Variants in DNM3 observed in about 807,000 individuals in gnomAD.
DNM3 encodes dynamin 3, also known as dynamin-3.
Under a neutral mutation model 101.6 loss-of-function variants are expected in DNM3, and 47 were observed. The observed-to-expected ratio is 0.46, with a 90% CI of 0.37 to 0.59. The LOEUF is 0.59. DNM3 is among the 20% of genes least tolerant of loss of function. The pLI is 0.00. For missense variants in DNM3, 849 were observed against 1,085.7 expected, an observed-to-expected ratio of 0.78 and a Z score of 3.06; for synonymous variants, 385 against 387.9, an observed-to-expected ratio of 0.99 and a Z score of 0.09.
At position 171,841,708 on chromosome 1, in the gene DNM3, G is replaced by A; in HGVS notation, c.52G>A (p.Asp18Asn). 6.2e-7 allele frequency: 1 copy of A among 1,611,918 alleles called. No individual in the cohort carries two copies. The highest frequency in any genetic ancestry group is 1.1e-5 in the South Asian group (1 of 90,666). The change falls in exon 1 of 21, where the codon GAC becomes AAC. Residue 18 changes from aspartate (D) to asparagine (N), a missense_variant. By Grantham distance (23) the Asp-to-Asn change is conservative (BLOSUM62 1). Transcript: ENST00000627582. Reference protein sequence around the residue: ...ELIPLVNRLQDAFSALGQSCL... With the variant: ...ELIPLVNRLQNAFSALGQSCL... ...GATCCCGCTGGTGAACCGTCTGCAG[G>A]ACGCGTTTTCGGCGCTGGGACAGAG...
chr1:172,081,057 G>A (rs2053104846), intron 11 of DNM3, among the ~76,000 whole-genome samples: 1 of 147,914 alleles, frequency 6.8e-6, no homozygotes, highest in African/African-American at 2.5e-5. Flanking sequence ...GCATACTGGA[G>A]CTGTTCCTAT....
chr1:171,921,058 G>T (rs2040120515), intron 1 of DNM3, among the ~76,000 whole-genome samples: 1 of 151,940 alleles, frequency 6.6e-6, no homozygotes, highest in African/African-American at 2.4e-5. Context: ...TGGGTAGCTG[G>T]GACTAGAGGC....
At chr1:172,401,270 T>C (rs2149112538) in intron 20 of DNM3, among the ~76,000 whole-genome samples, 2 of 152,344 alleles carry the variant, frequency 1.3e-5, no homozygotes, top group Middle Eastern at 3.4e-3. Context: ...AAAATTCTTT[T>C]TACAGATCAT....
At chr1:171,975,708 G>A (rs1444210755) in intron 2 of DNM3, among the ~76,000 whole-genome samples, 1 of 152,320 alleles carries the variant, frequency 6.6e-6, no homozygotes, top group South Asian at 2.1e-4. Flanking sequence ...AGATTGTTTT[G>A]TAGAAACTGA....
intron 11 of DNM3, among the ~76,000 whole-genome samples, chr1:172,077,446 AT>A (rs1414244614): frequency 4.6e-5 from 7 of 152,156 alleles, no homozygotes; most frequent in African/African-American, 1.7e-4. Context: ...TCCTGTGGGC[AT>A]TTAGTGCTAT....
intron 13 of DNM3, among the ~76,000 whole-genome samples, chr1:172,103,005 G>A (rs2147889959): frequency 6.6e-6 from 1 of 152,164 alleles, no homozygotes; most frequent in South Asian, 2.1e-4. Flanking sequence ...TGTATCCAAA[G>A]TACATAATTT....
intron 14 of DNM3, among the ~76,000 whole-genome samples, chr1:172,208,636 A>G (rs1482788840): frequency 1.3e-5 from 2 of 152,070 alleles, no homozygotes; most frequent in African/African-American, 2.4e-5. Flanking sequence ...CATTAAAATA[A>G]GCTATTTCTA....
At chr1:171,976,060 C>CA (rs1459702261) in intron 2 of DNM3, among the ~76,000 whole-genome samples, 1 of 128,614 alleles carries the variant, frequency 7.8e-6, no homozygotes, top group South Asian at 2.4e-4. Context: ...AGGATGGATT[C>CA]AAAAAATGGA....
At chr1:172,147,478 G>A (rs902718355) in intron 14 of DNM3, among the ~76,000 whole-genome samples, 2 of 152,068 alleles carry the variant, frequency 1.3e-5, no homozygotes, top group Non-Finnish European at 2.9e-5. Flanking sequence ...TCAATAGATG[G>A]TTTTGGGTGA....
intron 11 of DNM3, among the ~76,000 whole-genome samples, chr1:172,071,059 C>T (rs142982584): frequency 0.011 from 1,454 of 129,680 alleles, 36 homozygotes; most frequent in African/African-American, 0.042. Flanking sequence ...CACTGCACTC[C>T]AGCCTGGGTG....
chr1:172,162,746 T>C (rs1301181590), intron 14 of DNM3, among the ~76,000 whole-genome samples: 1 of 152,054 alleles, frequency 6.6e-6, no homozygotes, highest in Non-Finnish European at 1.5e-5. Flanking sequence ...TTAAAAAATA[T>C]CAGATTTCCC....
chr1:171,949,839 A>G (rs2042398427), intron 2 of DNM3, among the ~76,000 whole-genome samples: 1 of 152,204 alleles, frequency 6.6e-6, no homozygotes, highest in Non-Finnish European at 1.5e-5. Flanking sequence ...CAAATGTAAA[A>G]TGGCACAACC....
intron 6 of DNM3, among the ~76,000 whole-genome samples, chr1:172,035,287 G>A (rs964937208): frequency 3.9e-5 from 6 of 152,096 alleles, no homozygotes; most frequent in African/African-American, 1.4e-4. Context: ...ACATCCAAGA[G>A]GAGAAGTCAA....
At chr1:172,223,974 A>T (rs1363365824) in intron 14 of DNM3, among the ~76,000 whole-genome samples, 1 of 152,140 alleles carries the variant, frequency 6.6e-6, no homozygotes, top group Admixed American at 6.6e-5. Context: ...ATACCAGCTT[A>T]ATCTCCATAA....
chr1:172,035,218 C>A (rs949405353), intron 6 of DNM3, among the ~76,000 whole-genome samples: 1 of 152,052 alleles, frequency 6.6e-6, no homozygotes, highest in Admixed American at 6.6e-5. Context: ...AGATGGGGAA[C>A]CCTGAAGGGA....
intron 2 of DNM3, among the ~76,000 whole-genome samples, chr1:171,973,113 AG>A (rs985415516): frequency 6.6e-6 from 1 of 152,080 alleles, no homozygotes; most frequent in Admixed American, 6.6e-5. Flanking sequence ...GCCCATATGT[AG>A]GGGGCGGGGG....
intron 14 of DNM3, among the ~76,000 whole-genome samples, chr1:172,154,442 G>A (rs144371588): frequency 1.8e-4 from 28 of 152,118 alleles, no homozygotes; most frequent in Middle Eastern, 3.4e-3. Flanking sequence ...ATTCACTCAC[G>A]GAGTAGTTTA....
At chr1:171,907,565 C>T (rs115661465) in intron 1 of DNM3, among the ~76,000 whole-genome samples, 242 of 152,184 alleles carry the variant, frequency 1.6e-3, no homozygotes, top group Non-Finnish European at 2.7e-3. Context: ...CTCCCCATTT[C>T]ACATGGAGAA....
intron 13 of DNM3, among the ~76,000 whole-genome samples, chr1:172,122,676 G>A (rs1453590869): frequency 2.0e-5 from 3 of 152,132 alleles, no homozygotes; most frequent in African/African-American, 7.2e-5. Flanking sequence ...ATGCCATACT[G>A]TAGCCAACAT....
Sources: gnomAD v4.1 joint callset for allele counts (sites outside exome capture counted in the v4.1 genomes callset) on GRCh38, gnomAD v4.1.1 for gene constraint, MANE v1.5 for transcripts, NCBI Gene and HGNC (gene_info 2026-07-23, HGNC 2026-07-21) for gene names.